The following SEPTIN14 variants were observed in gnomAD, a reference collection of about 807,000 sequenced individuals.
SEPTIN14 encodes septin 14.
SEPTIN14 carries 40 observed loss-of-function variants against 53.6 expected under a neutral mutation model. The ratio of observed to expected loss-of-function variants is 0.75; its 90% CI spans 0.58 to 0.97. SEPTIN14 has a LOEUF of 0.97. SEPTIN14 is among the 50% of genes least tolerant of loss of function. The pLI is 0.00. For synonymous variants in SEPTIN14, 138 were observed against 166.8 expected (o/e 0.83, Z 1.33); for missense variants, 471 against 508.2 (o/e 0.93, Z 0.70).
intron 7 of SEPTIN14, among the ~76,000 whole-genome samples, chr7:55,809,661 T>TTG (rs1788667617): frequency 6.6e-6 from 1 of 151,290 alleles, no homozygotes; most frequent in Admixed American, 6.6e-5. Flanking sequence ...CAGCCAGTAC[T>TTG]ATGCTAATTA....
chr7:55,843,409 A>G (rs905889560), intron 4 of SEPTIN14, among the ~76,000 whole-genome samples: 2 of 152,222 alleles, frequency 1.3e-5, no homozygotes, highest in African/African-American at 4.8e-5. Context: ...AAACAACAAC[A>G]ACAAGAAGAA....
chr7:55,852,448 T>G (rs1012423979), intron 2 of SEPTIN14, among the ~76,000 whole-genome samples: 3 of 152,170 alleles, frequency 2.0e-5, no homozygotes, highest in African/African-American at 7.2e-5. Context: ...AAGAAGAGTC[T>G]CTTCAATAAA....
At chr7:55,845,281 A>G (rs750739848) in intron 3 of SEPTIN14, among the ~76,000 whole-genome samples, 2 of 151,092 alleles carry the variant, frequency 1.3e-5, no homozygotes, top group African/African-American at 2.4e-5. Flanking sequence ...CGCTATTCAC[A>G]GTAGCAAAGA....
At chr7:55,806,455 CTTTCTTTTTT>C (rs943424875) in intron 8 of SEPTIN14, among the ~76,000 whole-genome samples, 1 of 143,862 alleles carries the variant, frequency 7.0e-6, no homozygotes, top group African/African-American at 2.8e-5. Flanking sequence ...TTTCTTTATC[CTTTCTTTTTT>C]TTTCTTTTTT....
intron 7 of SEPTIN14, among the ~76,000 whole-genome samples, chr7:55,809,574 C>A (rs1788665667): frequency 6.6e-6 from 1 of 151,268 alleles, no homozygotes; most frequent in African/African-American, 2.4e-5. Context: ...TCAGGCTAGT[C>A]TTGAACTCCT....
At chr7:55,837,408 T>C (rs900795402) in intron 5 of SEPTIN14, among the ~76,000 whole-genome samples, 3 of 151,566 alleles carry the variant, frequency 2.0e-5, no homozygotes, top group East Asian at 3.9e-4. Flanking sequence ...TGAGCCACCA[T>C]GTCTGGCCCT....
intron 2 of SEPTIN14, among the ~76,000 whole-genome samples, chr7:55,856,691 C>T (rs1479252180): frequency 6.6e-6 from 1 of 152,078 alleles, no homozygotes; most frequent in Non-Finnish European, 1.5e-5. Context: ...CCGCGCTTGG[C>T]CATGTACCAC....
intron 2 of SEPTIN14, among the ~76,000 whole-genome samples, chr7:55,851,681 C>A (rs540406899): frequency 6.6e-6 from 1 of 152,012 alleles, no homozygotes; most frequent in Non-Finnish European, 1.5e-5. Context: ...TTAACTCAAT[C>A]CCTATCAAAA....
chr7:55,818,472 C>CA (rs61089405), intron 7 of SEPTIN14, among the ~76,000 whole-genome samples: 46,826 of 86,220 alleles, frequency 0.54, 11,970 homozygotes, highest in East Asian at 0.79. Context: ...AACTCTGTCT[C>CA]AAAAAAAAAA....
intron 9 of SEPTIN14, among the ~76,000 whole-genome samples, chr7:55,803,899 C>T (rs534500535): frequency 1.3e-5 from 2 of 149,578 alleles, no homozygotes; most frequent in East Asian, 4.0e-4. Context: ...CCGAGGCAGG[C>T]GGATCACGAG....
At chr7:55,840,211 G>A (rs773869540) in intron 5 of SEPTIN14, among the ~76,000 whole-genome samples, 3 of 139,842 alleles carry the variant, frequency 2.1e-5, no homozygotes, top group Non-Finnish European at 4.7e-5. Flanking sequence ...ATGTGAGGCC[G>A]GGCACAGTGA....
At chr7:55,848,565 G>A (rs1789463120) in intron 2 of SEPTIN14, among the ~76,000 whole-genome samples, 1 of 151,848 alleles carries the variant, frequency 6.6e-6, no homozygotes, top group African/African-American at 2.4e-5. Flanking sequence ...CAAAGGGCTG[G>A]GATTACAAGC....
intron 8 of SEPTIN14, among the ~76,000 whole-genome samples, chr7:55,806,297 G>A (rs1208755171): frequency 1.3e-5 from 2 of 151,930 alleles, no homozygotes; most frequent in Non-Finnish European, 1.5e-5. Context: ...CACTGCACCC[G>A]GCTCTATTCT....
intron 6 of SEPTIN14, among the ~76,000 whole-genome samples, chr7:55,829,905 G>A (rs1044452892): frequency 2.0e-5 from 3 of 150,552 alleles, no homozygotes; most frequent in South Asian, 2.1e-4. Flanking sequence ...TTGGCCAGGC[G>A]CGGTGGCTCA....
intron 9 of SEPTIN14, among the ~76,000 whole-genome samples, chr7:55,799,301 T>C (rs2115948101): frequency 6.8e-6 from 1 of 146,924 alleles, no homozygotes; most frequent in South Asian, 2.2e-4. Flanking sequence ...AGGTCAGGAG[T>C]TCAAGACCAG....
intron 7 of SEPTIN14, among the ~76,000 whole-genome samples, chr7:55,807,775 T>TTA (rs1208974281): frequency 2.6e-5 from 4 of 152,262 alleles, no homozygotes; most frequent in African/African-American, 9.6e-5. Context: ...CATAGCTGTT[T>TTA]TAATGATACA....
chr7:55,796,474 G>A (rs990644912), intron 9 of SEPTIN14, among the ~76,000 whole-genome samples: 2 of 151,904 alleles, frequency 1.3e-5, no homozygotes, highest in Non-Finnish European at 2.9e-5. Flanking sequence ...TGTTGGCCAG[G>A]CTGGTCTTGA....
In SEPTIN14 at chr7:55,837,891, T is replaced by C. The variant is rs142479753; in HGVS notation, c.559-3305A>G. Among the ~76,000 whole-genome samples, 425 of 152,274 alleles carry C rather than the reference T, an allele frequency of 2.8e-3. 5 individuals carry two copies. Among genetic ancestry groups the C allele is most frequent in the Middle Eastern group, 0.01 (3 of 294 alleles). ...GCCCTGGCTCCCAGCCCTCCCCATGTTTTTAATCACAGAAAGCGCTAGACA... is the reference window on the plus strand; with the variant it reads ...GCCCTGGCTCCCAGCCCTCCCCATGCTTTTAATCACAGAAAGCGCTAGACA... On this transcript the variant is annotated intron_variant, in intron 5 of 9. Transcript: ENST00000388975.
At chr7:55,828,699 C>T (rs767080779) in intron 6 of SEPTIN14, among the ~76,000 whole-genome samples, 5 of 152,056 alleles carry the variant, frequency 3.3e-5, no homozygotes, top group South Asian at 2.1e-4. Context: ...TCTGAGAAGT[C>T]GGCTGTTAGT....
Sources: allele counts gnomAD v4.1 joint callset (sites outside exome capture counted in the v4.1 genomes callset), GRCh38; gene constraint gnomAD v4.1.1; transcripts MANE v1.5; gene names NCBI Gene and HGNC (gene_info 2026-07-23, HGNC 2026-07-21).